Variants in UGT1A10 observed in about 807,000 individuals in gnomAD.
UGT1A10 encodes UDP glucuronosyltransferase family 1 member A10, also known as UDP-glucuronosyltransferase 1A10.
A neutral mutation model predicts 45.8 loss-of-function variants in UGT1A10; 49 were observed. That is an observed-to-expected ratio of 1.07 (90% CI 0.85 to 1.36). The LOEUF (loss-of-function observed/expected upper bound fraction) is 1.36, where lower values mean the gene tolerates loss of function less well. UGT1A10 is among the 40% of genes most tolerant of loss of function. The pLI is 0.00. For missense variants in UGT1A10, 745 were observed against 668.6 expected, an observed-to-expected ratio of 1.11 and a Z score of -1.26; for synonymous variants, 284 against 249.7, an observed-to-expected ratio of 1.14 and a Z score of -1.29.
At chr2:233,672,294 T>A in intron 1 of UGT1A10, 1 of 1,613,986 alleles carries the variant, frequency 6.2e-7, no homozygotes, top group East Asian at 2.2e-5. Flanking sequence ...TTGACTTATT[T>A]TTTTCAAATT....
At chr2:233,735,161 A>C (rs139257330) in intron 1 of UGT1A10, among the ~76,000 whole-genome samples, 2,795 of 152,264 alleles carry the variant, frequency 0.018, 41 homozygotes, top group Non-Finnish European at 0.028. Context: ...GTCTCTGTGT[A>C]GGTCTCTAAG....
intron 1 of UGT1A10, among the ~76,000 whole-genome samples, chr2:233,717,003 A>G (rs932364808): frequency 5.3e-5 from 8 of 152,104 alleles, no homozygotes; most frequent in African/African-American, 1.4e-4. Flanking sequence ...CAGGGCCCCT[A>G]TGTCTCTGAA....
intron 1 of UGT1A10, among the ~76,000 whole-genome samples, chr2:233,738,514 T>A (rs1690809776): frequency 6.6e-6 from 1 of 152,156 alleles, no homozygotes; most frequent in Admixed American, 6.5e-5. Context: ...ATGCTGATAA[T>A]GTTGTGGACA....
At chr2:233,690,707 C>A (rs2075004016) in intron 1 of UGT1A10, 1 of 1,225,352 alleles carries the variant, frequency 8.2e-7, no homozygotes, top group African/African-American at 1.6e-5. Context: ...TAGGGATCGT[C>A]ATTATGACGA....
At chr2:233,726,326 A>C (rs1219361867) in intron 1 of UGT1A10, among the ~76,000 whole-genome samples, 1 of 152,188 alleles carries the variant, frequency 6.6e-6, no homozygotes, top group Non-Finnish European at 1.5e-5. Context: ...CAGGAGTTTC[A>C]GCACCTGTGG....
chr2:233,744,059 G>A (rs1241791762), intron 1 of UGT1A10: 4 of 568,466 alleles, frequency 7.0e-6, no homozygotes, highest in Non-Finnish European at 1.1e-5. Context: ...ATTGGTCGAG[G>A]CCTATGAGCG....
rs1035578503 is a variant in UGT1A10 at position 233,760,453 on chromosome 2, G to C, written c.856-6581G>C. 3 of 1,614,120 alleles carry C rather than the reference G, an allele frequency of 1.9e-6. No individual in the cohort carries two copies. The African/African-American group carries it at 4.0e-5, about 22-fold the overall frequency. ...CCAGCAGCTGCAGCAGAGGGGACAT[G>C]AAATAGTTGTCCTAGCACCTGACGC... On this transcript the variant is annotated intron_variant, in intron 1 of 4. Transcript: ENST00000344644.
At chr2:233,738,343 T>C (rs1471318863) in intron 1 of UGT1A10, among the ~76,000 whole-genome samples, 1 of 152,180 alleles carries the variant, frequency 6.6e-6, no homozygotes, top group Non-Finnish European at 1.5e-5. Context: ...TAAATTGGTG[T>C]CATGGAGAGT....
At chr2:233,661,817 G>C (rs1380161144) in intron 1 of UGT1A10, among the ~76,000 whole-genome samples, 1 of 151,156 alleles carries the variant, frequency 6.6e-6, no homozygotes, top group South Asian at 2.1e-4. Context: ...TGCTTCATGG[G>C]AGCACTTGAG....
chr2:233,653,071 C>A (rs2125478585), intron 1 of UGT1A10, among the ~76,000 whole-genome samples: 2 of 152,278 alleles, frequency 1.3e-5, no homozygotes, highest in East Asian at 3.9e-4. Context: ...ACGTGCCTGA[C>A]ATGGAGGCTC....
intron 1 of UGT1A10, among the ~76,000 whole-genome samples, chr2:233,686,214 T>G (rs1292644045): frequency 6.6e-6 from 1 of 151,828 alleles, no homozygotes; most frequent in Non-Finnish European, 1.5e-5. Flanking sequence ...ATTAGAAAAA[T>G]ATTTGTGACC....
At chr2:233,771,009 A>G (rs1251253785) in intron 4 of UGT1A10, 3 of 152,198 alleles carry the variant, frequency 2.0e-5, no homozygotes, top group Non-Finnish European at 4.4e-5. Flanking sequence ...TGGCAAAAGC[A>G]GGAGCGAGAG....
chr2:233,717,151 C>T (rs1484349429), intron 1 of UGT1A10, among the ~76,000 whole-genome samples: 2 of 152,200 alleles, frequency 1.3e-5, no homozygotes, highest in Non-Finnish European at 2.9e-5. Flanking sequence ...GGAAATAGAA[C>T]ATGGGAGCCC....
chr2:233,756,837 CA>C (rs1471167768), intron 1 of UGT1A10, among the ~76,000 whole-genome samples: 1 of 151,888 alleles, frequency 6.6e-6, no homozygotes, highest in African/African-American at 2.4e-5. Context: ...AATGATTAAC[CA>C]AAGAACATTC....
rs781114284 is a variant in UGT1A10 at position 233,636,708 on chromosome 2, G to A, written c.186G>A (p.Val62=). ...AGGTGGTTGTAGTCATGCCAGAGGT[G>A]AGTTGGCAACTGGAAAGATCACTGA... The part of the protein sequence containing the change: ...GHEVVVVMPE[V]SWQLERSLNC... The change falls in exon 1 of 5, where the codon GTG becomes GTA. Residue 62 remains valine, a synonymous_variant. Coordinates refer to ENST00000344644, the MANE Select transcript of UGT1A10 (RefSeq NM_019075.4). The A allele has an allele frequency of 3.7e-6, 6 of 1,614,172 alleles. No individual in the cohort carries two copies. Among genetic ancestry groups the A allele is most frequent in the Non-Finnish European group, 5.1e-6 (6 of 1,180,034 alleles).
chr2:233,713,899 A>G, intron 1 of UGT1A10: 3 of 1,613,038 alleles, frequency 1.9e-6, no homozygotes, highest in Non-Finnish European at 2.5e-6. Flanking sequence ...TTCCAGGCAA[A>G]ACACTTTTTA....
At position 233,744,183 on chromosome 2, in the gene UGT1A10, A is replaced by G. The variant is rs1026910418; in HGVS notation, c.856-22851A>G. 8.6e-5 allele frequency among the ~76,000 whole-genome samples: 13 copies of G among 151,842 alleles called. 1 individual carries two copies. The highest frequency in any genetic ancestry group is 2.7e-4 in the African/African-American group (11 of 41,106). On this transcript the variant is annotated intron_variant, in intron 1 of 4. Transcript: ENST00000344644. Reference sequence around the variant, plus strand: ...CGCCCACTCCGGCCTCCAACCAGCCATGGTCTCCAAAAAGGATGGGAAAAA... The same window carrying G: ...CGCCCACTCCGGCCTCCAACCAGCCGTGGTCTCCAAAAAGGATGGGAAAAA...
intron 1 of UGT1A10, chr2:233,691,057 C>T: frequency 1.0e-6 from 1 of 987,646 alleles, no homozygotes; most frequent in Admixed American, 6.0e-5. Context: ...GAGTGGAGGT[C>T]TAGTATAAAG....
At chr2:233,760,877 T>C in intron 1 of UGT1A10, 1 of 1,614,134 alleles carries the variant, frequency 6.2e-7, no homozygotes, top group South Asian at 1.1e-5. Flanking sequence ...CCCAGGCCTC[T>C]CTCCTCTCAT....
Sources: gnomAD v4.1 joint callset for allele counts (sites outside exome capture counted in the v4.1 genomes callset) on GRCh38, gnomAD v4.1.1 for gene constraint, MANE v1.5 for transcripts, NCBI Gene and HGNC (gene_info 2026-07-23, HGNC 2026-07-21) for gene names.